Variants in ABCA13 observed in about 807,000 individuals in gnomAD.
The protein encoded by ABCA13 is ATP-binding cassette sub-family A member 13.
In ABCA13, 476 loss-of-function variants were observed where a neutral mutation model predicts 478.7. That is an observed-to-expected ratio of 0.99 (90% CI 0.92 to 1.07). The LOEUF (loss-of-function observed/expected upper bound fraction) is 1.07. ABCA13 is among the 50% of genes least tolerant of loss of function. The probability of loss-of-function intolerance (pLI) is 0.00; values close to 1 mark genes in which losing one functional copy is unlikely to be tolerated. For synonymous variants in ABCA13, 2,252 were observed against 2,158.9 expected, an observed-to-expected ratio of 1.04 and a Z score of -1.20; for missense variants, 6,060 against 5,910.6, an observed-to-expected ratio of 1.03 and a Z score of -0.83.
At chr7:48,626,174 A>G (rs993501808) in intron 59 of ABCA13, among the ~76,000 whole-genome samples, 1 of 152,080 alleles carries the variant, frequency 6.6e-6, no homozygotes, top group Non-Finnish European at 1.5e-5. Flanking sequence ...ACTGGGCTAG[A>G]CACTCAAATA....
At chr7:48,188,971 G>A (rs189648921) in intron 1 of ABCA13, among the ~76,000 whole-genome samples, 1 of 152,108 alleles carries the variant, frequency 6.6e-6, no homozygotes, top group South Asian at 2.1e-4. Flanking sequence ...CTTCCCTCCT[G>A]GAAGAGTAGG....
At chr7:48,525,356 A>G (rs1398472660) in intron 54 of ABCA13, among the ~76,000 whole-genome samples, 5 of 152,100 alleles carry the variant, frequency 3.3e-5, no homozygotes, top group African/African-American at 1.2e-4. Context: ...CATGATTATT[A>G]TAGTTTTGCC....
At chr7:48,471,218 A>T (rs1184087287) in intron 44 of ABCA13, among the ~76,000 whole-genome samples, 1 of 152,240 alleles carries the variant, frequency 6.6e-6, no homozygotes, top group Non-Finnish European at 1.5e-5. Flanking sequence ...CCTGTTTATG[A>T]GACTGCAAGC....
In ABCA13 at chr7:48,193,129, T is replaced by A. The variant is rs569853882; in HGVS notation, c.163+77T>A. 5.0e-5 allele frequency: 53 copies of A among 1,050,756 alleles called. No individual in the cohort carries two copies. In the African/African-American group the frequency reaches 8.2e-4, roughly 16 times the overall value. 65.1% of individuals were successfully genotyped at this position (1,050,756 alleles called of 1,614,324 possible). On this transcript the variant is annotated intron_variant, in intron 2 of 61. Coordinates refer to ENST00000435803, the MANE Select transcript of ABCA13 (RefSeq NM_152701.5). ...ACTCATAGCACTCTTTCTTGTTTTT[T>A]ATAAACTCTGAATGCTGAGTGAAAT...
chr7:48,397,905 T>A (rs1007105097), intron 38 of ABCA13, among the ~76,000 whole-genome samples: 2 of 152,240 alleles, frequency 1.3e-5, no homozygotes, highest in Non-Finnish European at 2.9e-5. Context: ...TTTCTTCTTT[T>A]GTCCCCCGCT....
chr7:48,483,224 A>G (rs1828953469), intron 47 of ABCA13, 61 bp downstream of exon 47: 1 of 1,441,096 alleles, frequency 6.9e-7, no homozygotes, highest in Non-Finnish European at 9.5e-7. Flanking sequence ...CTCAACATTC[A>G]AATATAATTT....
chr7:48,469,632 A>G (rs921143793), intron 44 of ABCA13, among the ~76,000 whole-genome samples: 3 of 151,934 alleles, frequency 2.0e-5, no homozygotes, highest in Non-Finnish European at 2.9e-5. Context: ...AGGTCCTTAG[A>G]GCTTCTGCCT....
chr7:48,601,390 C>T (rs980377406), intron 58 of ABCA13, among the ~76,000 whole-genome samples: 6 of 152,200 alleles, frequency 3.9e-5, no homozygotes, highest in East Asian at 1.9e-4. Flanking sequence ...CTCCCACCCC[C>T]GCAACAGGCC....
chr7:48,444,789 C>A lies in ABCA13; in HGVS notation c.12566-10248C>A, dbSNP rs1022647029. Among the ~76,000 whole-genome samples, 31 of 152,180 alleles carry A rather than the reference C, an allele frequency of 2.0e-4. 1 individual carries two copies. The highest frequency in any genetic ancestry group is 2.0e-3 in the Admixed American group (30 of 15,278). On this transcript the variant is annotated intron_variant, in intron 42 of 61. Coordinates refer to ENST00000435803, the MANE Select transcript of ABCA13 (RefSeq NM_152701.5). ...CGCATCCCAGGTACCTCCATCTCAA[C>A]ACGTTTAAGTCCAACTCATGATTTT...
chr7:48,508,095 T>A (rs1267164114), intron 50 of ABCA13, 46 bp downstream of exon 50: 1 of 1,612,300 alleles, frequency 6.2e-7, no homozygotes, highest in African/African-American at 1.3e-5. Context: ...AATAGTGATC[T>A]AAATAGTGCG....
chr7:48,335,174 C>CT (rs1262606011), intron 27 of ABCA13, among the ~76,000 whole-genome samples: 3 of 152,172 alleles, frequency 2.0e-5, no homozygotes, highest in Non-Finnish European at 4.4e-5. Flanking sequence ...AGCAGTGACT[C>CT]TAACACTGGC....
chr7:48,272,430 G>A lies in ABCA13; in HGVS notation c.2764G>A (p.Ala922Thr), dbSNP rs73697118. The change falls in exon 17 of 62, where the codon GCT (alanine) becomes ACT (threonine). Residue 922 changes from alanine to threonine, a missense_variant. Transcript: ENST00000435803. ...QISEALNTVYAIRNASDLFSA... is the reference protein window; with the variant it reads ...QISEALNTVYTIRNASDLFSA... ...CTCAGAAGCTCTGAACACAGTCTAC[G>A]CTATCAGGAATGCATCTGATCTTTT... is the stretch of plus-strand genomic sequence containing the variant. 5.7e-3 allele frequency: 9,268 copies of A among 1,613,616 alleles called. 497 individuals are homozygous for A. In the African/African-American group the frequency reaches 0.11, roughly 19 times the overall value.
At chr7:48,500,248 C>T (rs753898069) in intron 48 of ABCA13, among the ~76,000 whole-genome samples, 1 of 152,112 alleles carries the variant, frequency 6.6e-6, no homozygotes, top group Non-Finnish European at 1.5e-5. Context: ...TGCTTTCTAA[C>T]GTTTTACAAT....
chr7:48,508,169 T>C (rs191927992), intron 50 of ABCA13, 120 bp downstream of exon 50: 26 of 1,215,624 alleles, frequency 2.1e-5, no homozygotes, highest in Admixed American at 2.1e-4. Flanking sequence ...CAAAAAGGGG[T>C]CATCTTATTG....
intron 59 of ABCA13, among the ~76,000 whole-genome samples, chr7:48,639,069 A>G (rs1794908773): frequency 6.6e-6 from 1 of 152,162 alleles, no homozygotes; most frequent in Non-Finnish European, 1.5e-5. Context: ...ATTAATTGGG[A>G]TAATGTGTTT....
chr7:48,520,417 A>G (rs1832462935), intron 53 of ABCA13, 123 bp downstream of exon 53: 3 of 1,107,538 alleles, frequency 2.7e-6, no homozygotes, highest in Non-Finnish European at 3.6e-6. Flanking sequence ...CATAGTTCTA[A>G]TGCGTTAAGA....
At chr7:48,308,515 G>T (rs891713069) in intron 23 of ABCA13, among the ~76,000 whole-genome samples, 2 of 152,050 alleles carry the variant, frequency 1.3e-5, no homozygotes, top group African/African-American at 4.8e-5. Flanking sequence ...CAGCAGTTTT[G>T]TTTACACCGG....
Position 48,520,054 on chromosome 7 carries a change from T to G in ABCA13, c.13811T>G (p.Ile4604Ser). The G allele has an allele frequency of 6.2e-7, 1 of 1,612,014 alleles. No individual in the cohort carries two copies. Among genetic ancestry groups the G allele is most frequent in the South Asian group, 1.1e-5 (1 of 90,816 alleles). The change falls in exon 53 of 62, where the codon ATC (isoleucine) becomes AGC (serine). Residue 4604 changes from isoleucine (I) to serine (S), a missense_variant. Physicochemically the swap from Ile to Ser is moderately radical, Grantham distance 142 (BLOSUM62 -2). Around this residue, in one of 3 missense-constraint regions of ABCA13, gnomAD observed 1,627 missense variants for 1,571.0 expected, o/e 1.04. Coordinates refer to ENST00000435803, the MANE Select transcript of ABCA13 (RefSeq NM_152701.5). The part of the protein sequence containing the change: ...IISKAKNLQN[I>S]YDVLKWVFTI... ...TTCACTGTGCAGAATTTACAGAATATCTATGATGTCCTCAAGTGGGTCTTT... is the reference window on the plus strand; with the variant it reads ...TTCACTGTGCAGAATTTACAGAATAGCTATGATGTCCTCAAGTGGGTCTTT...
intron 47 of ABCA13, among the ~76,000 whole-genome samples, 183 bp from the exon 48 acceptor site, chr7:48,489,053 T>C (rs1829602978): frequency 6.6e-6 from 1 of 152,166 alleles, no homozygotes; most frequent in Admixed American, 6.5e-5. Context: ...TGGAGATAAA[T>C]ATAAAATTAG....
Sources: gnomAD v4.1 joint callset for allele counts (sites outside exome capture counted in the v4.1 genomes callset) on GRCh38, gnomAD v4.1.1 for gene constraint, gnomAD v4.1.1 regional missense constraint, MANE v1.5 for transcripts, NCBI Gene and HGNC (gene_info 2026-07-23, HGNC 2026-07-21) for gene names.